The following PCDHA6 variants were observed in gnomAD, a reference collection of about 807,000 sequenced individuals.
The protein encoded by PCDHA6 is protocadherin alpha 6.
Under a neutral mutation model 60.3 loss-of-function variants are expected in PCDHA6, and 55 were observed. The ratio of observed to expected loss-of-function variants is 0.91; its 90% confidence interval spans 0.73 to 1.14. The LOEUF is 1.14. Ranked by LOEUF, PCDHA6 falls within the 50% of genes most tolerant of loss-of-function variation. The pLI is 0.00. For missense variants in PCDHA6, 1,327 were observed against 1,256.5 expected, an observed-to-expected ratio of 1.06 and a Z score of -0.85; for synonymous variants, 652 against 557.9, an observed-to-expected ratio of 1.17 and a Z score of -2.38.
In PCDHA6 at chr5:140,917,150, G is replaced by A. The variant is rs535773024; in HGVS notation, c.2395-61799G>A. Among the ~76,000 whole-genome samples the A allele has an allele frequency of 2.0e-5, 3 of 152,324 alleles. No individual in the cohort carries two copies. In the South Asian group the frequency reaches 6.2e-4, roughly 32 times the overall value. On this transcript the variant is annotated intron_variant, in intron 1 of 3. Transcript: ENST00000529310. ...CCCCACGTTGCTCAGCTGCTGCTGG[G>A]GGATATGGGAGGGGTGATGGTGGTG...
intron 1 of PCDHA6, among the ~76,000 whole-genome samples, chr5:140,892,799 G>A (rs1222453314): frequency 6.6e-6 from 1 of 152,108 alleles, no homozygotes; most frequent in African/African-American, 2.4e-5. Flanking sequence ...AGAAATTATA[G>A]TTAACCATAT....
chr5:140,994,149 G>A (rs1299780463), intron 3 of PCDHA6, among the ~76,000 whole-genome samples: 2 of 152,174 alleles, frequency 1.3e-5, no homozygotes, highest in Non-Finnish European at 2.9e-5. Context: ...TACGTAGGTA[G>A]GGTCAACGAA....
intron 1 of PCDHA6, among the ~76,000 whole-genome samples, chr5:140,855,209 T>C (rs951600231): frequency 6.7e-6 from 1 of 149,880 alleles, no homozygotes; most frequent in Non-Finnish European, 1.5e-5. Flanking sequence ...TAGTTTCCAT[T>C]TATGAAGCAC....
chr5:140,873,230 A>G (rs888976655), intron 1 of PCDHA6, among the ~76,000 whole-genome samples: 2 of 152,354 alleles, frequency 1.3e-5, no homozygotes, highest in Admixed American at 1.3e-4. Context: ...AGGCAACAAT[A>G]TAAAAATATA....
At chr5:140,877,599 C>A in intron 1 of PCDHA6, 1 of 1,613,882 alleles carries the variant, frequency 6.2e-7, no homozygotes, top group South Asian at 1.1e-5. Flanking sequence ...CGGTGTCCAG[C>A]CTGCTGGTGC....
At chr5:140,929,370 C>T in intron 1 of PCDHA6, 1 of 1,515,732 alleles carries the variant, frequency 6.6e-7, no homozygotes, top group Non-Finnish European at 8.8e-7. Flanking sequence ...CCGGAGATGG[C>T]TGCTAGCTGT....
At chr5:140,924,894 CAAAAAA>C (rs782133089) in intron 1 of PCDHA6, among the ~76,000 whole-genome samples, 79 of 71,496 alleles carry the variant, frequency 1.1e-3, no homozygotes, top group African/African-American at 2.7e-3. Flanking sequence ...GAACCTGTCT[CAAAAAA>C]AAAAATAAAA....
intron 1 of PCDHA6, chr5:140,928,199 C>T: frequency 6.2e-7 from 1 of 1,614,226 alleles, no homozygotes; most frequent in South Asian, 1.1e-5. Context: ...GTGTCAGTTG[C>T]TGATGTGAAT....
rs535720832 is a variant in PCDHA6 at position 140,876,757 on chromosome 5, G to A, written c.2394+46272G>A. On this transcript the variant is annotated intron_variant, in intron 1 of 3. Transcript: ENST00000529310. ...CTATGAGCTGGTGGTGACTGCGCGG[G>A]ATGGGGGCTCGCCTTCGCTGTGGGC... 85 of 1,614,274 alleles carry A rather than the reference G, an allele frequency of 5.3e-5. No individual in the cohort carries two copies. The South Asian group carries it at 8.8e-4, about 17-fold the overall frequency.
At chr5:140,836,828 T>C (rs1233722756) in intron 1 of PCDHA6, 27 of 957,894 alleles carry the variant, frequency 2.8e-5, no homozygotes, top group Non-Finnish European at 3.7e-5. Flanking sequence ...TCTTTTTTAG[T>C]TGATAGCTTT....
chr5:140,977,067 A>G (rs2096744217), intron 1 of PCDHA6, among the ~76,000 whole-genome samples: 1 of 152,250 alleles, frequency 6.6e-6, no homozygotes, highest in South Asian at 2.1e-4. Context: ...TATAGAAAAT[A>G]GCAGCATGAC....
At chr5:140,877,414 C>T (rs1554169712) in intron 1 of PCDHA6, 22 of 1,613,930 alleles carry the variant, frequency 1.4e-5, no homozygotes, top group Non-Finnish European at 1.8e-5. Context: ...CCACCGCCTG[C>T]TGGTGCTGGT....
At chr5:140,954,692 C>T (rs1428031536) in intron 1 of PCDHA6, among the ~76,000 whole-genome samples, 10 of 151,966 alleles carry the variant, frequency 6.6e-5, no homozygotes, top group African/African-American at 2.4e-4. Flanking sequence ...GATGGATAGA[C>T]TACAAAATTT....
At chr5:140,990,272 C>T (rs568200508) in intron 3 of PCDHA6, among the ~76,000 whole-genome samples, 12 of 152,196 alleles carry the variant, frequency 7.9e-5, no homozygotes, top group African/African-American at 1.4e-4. Flanking sequence ...CAATGTACCC[C>T]GGGTCTTGAG....
chr5:140,962,619 T>C (rs1405135656), intron 1 of PCDHA6, among the ~76,000 whole-genome samples: 1 of 152,212 alleles, frequency 6.6e-6, no homozygotes, highest in East Asian at 1.9e-4. Context: ...GGAAGGGAGA[T>C]GTGAAAAAAT....
chr5:140,857,278 C>A lies in PCDHA6; in HGVS notation c.2394+26793C>A, dbSNP rs541123870. On this transcript the variant is annotated intron_variant, in intron 1 of 3. Transcript: ENST00000529310. ...ATTACTACTCATTGGTGCTGGACAGCGCTCTGGACCGCGAGAGGGTGTCGG... is the reference window on the plus strand; with the variant it reads ...ATTACTACTCATTGGTGCTGGACAGAGCTCTGGACCGCGAGAGGGTGTCGG... The A allele has an allele frequency of 1.8e-5, 29 of 1,598,570 alleles. 3 individuals are homozygous for A. The highest frequency in any genetic ancestry group is 1.7e-4 in the Middle Eastern group (1 of 5,938).
At chr5:140,966,747 C>T (rs2096048243) in intron 1 of PCDHA6, 3 of 1,426,904 alleles carry the variant, frequency 2.1e-6, no homozygotes, top group Admixed American at 5.5e-5. Flanking sequence ...GCCCGGCTGC[C>T]TCCGCCGCGG....
intron 1 of PCDHA6, chr5:140,836,100 A>C (rs2150252810): frequency 8.7e-6 from 14 of 1,613,582 alleles, no homozygotes; most frequent in Non-Finnish European, 1.2e-5. Context: ...GGTGGGTGGC[A>C]CTGGTGGCGC....
chr5:141,002,689 T>C (rs2098092113), intron 3 of PCDHA6, among the ~76,000 whole-genome samples: 1 of 152,186 alleles, frequency 6.6e-6, no homozygotes, highest in African/African-American at 2.4e-5. Context: ...GACGTGCAGA[T>C]TTGTTTAACT....
Sources: allele counts gnomAD v4.1 joint callset (sites outside exome capture counted in the v4.1 genomes callset), GRCh38; gene constraint gnomAD v4.1.1; transcripts MANE v1.5; gene names NCBI Gene and HGNC (gene_info 2026-07-23, HGNC 2026-07-21).